Variants in RAPGEF1 observed in about 807,000 individuals in gnomAD.
RAPGEF1 encodes the protein Rap guanine nucleotide exchange factor 1.
A neutral mutation model predicts 143.3 loss-of-function variants in RAPGEF1; 33 were observed. The ratio of observed to expected loss-of-function variants is 0.23; its 90% CI spans 0.17 to 0.31. RAPGEF1 has a LOEUF of 0.31. Among genes scored for constraint, RAPGEF1 ranks in the 10% least tolerant of loss-of-function variants. RAPGEF1 has a pLI of 1.00. For synonymous variants in RAPGEF1, 629 were observed against 676.5 expected (o/e 0.93, Z 1.09); for missense variants, 1,199 against 1,645.4 (o/e 0.73, Z 4.69).
chr9:131,700,064 C>T (rs963498957), intron 1 of RAPGEF1, among the ~76,000 whole-genome samples: 1 of 152,162 alleles, frequency 6.6e-6, no homozygotes, highest in Non-Finnish European at 1.5e-5. Flanking sequence ...TCTCCTGCTT[C>T]GAAAGTCAAC....
At chr9:131,659,708 C>T (rs1040611610) in intron 1 of RAPGEF1, among the ~76,000 whole-genome samples, 2 of 152,210 alleles carry the variant, frequency 1.3e-5, no homozygotes, top group Non-Finnish European at 2.9e-5. Context: ...ATACTTAATA[C>T]ATGGCAGCTA....
rs923909355 is a variant in RAPGEF1, at chr9:131,675,205, G to T, written c.62-24256C>A. 6.6e-6 allele frequency among the ~76,000 whole-genome samples: 1 copy of T among 152,162 alleles called. No homozygotes were observed. The highest frequency in any genetic ancestry group is 1.5e-5 in the Non-Finnish European group (1 of 68,030). Reference sequence around the variant, plus strand: ...TGGCTGGATTTGCGCTGTATTTCTCGTGGGGATGAGGCACGGACCGAGGGG... The same window carrying T: ...TGGCTGGATTTGCGCTGTATTTCTCTTGGGGATGAGGCACGGACCGAGGGG... On this transcript the variant is annotated intron_variant, in intron 1 of 26. Coordinates refer to ENST00000683357, the MANE Select transcript of RAPGEF1 (RefSeq NM_001377935.1). This position sits in a 1 kb window ranked among gnomAD's most constrained non-coding sequence, Gnocchi z 4.6.
Position 131,588,106 on chromosome 9 carries a change from G to A in RAPGEF1, c.3054-80C>T, listed in dbSNP as rs897892970. On this transcript the variant is annotated intron_variant, in intron 20 of 26. Coordinates refer to ENST00000683357, the MANE Select transcript of RAPGEF1 (RefSeq NM_001377935.1). ...GGCTGAGCAGGCCCGGGCTGCGGGC[G>A]TCAGAGCAGGAGAGCCTCTCTGCCC... 1.2e-5 allele frequency: 15 copies of A among 1,207,390 alleles called. 1 individual carries two copies. Among genetic ancestry groups the A allele is most frequent in the South Asian group, 6.4e-5 (5 of 77,924 alleles). 74.8% of individuals were successfully genotyped at this position (1,207,390 alleles called of 1,614,324 possible).
chr9:131,636,755 C>T (rs1184769733), intron 5 of RAPGEF1, among the ~76,000 whole-genome samples: 3 of 152,200 alleles, frequency 2.0e-5, no homozygotes, highest in Non-Finnish European at 4.4e-5. Context: ...CCCCAGGCCA[C>T]GTTCCACTCT....
intron 3 of RAPGEF1, among the ~76,000 whole-genome samples, chr9:131,645,739 G>T (rs758822271): frequency 6.6e-6 from 1 of 152,216 alleles, no homozygotes; most frequent in African/African-American, 2.4e-5. Context: ...TGCATAACCC[G>T]AGGGCAGGTG....
intron 10 of RAPGEF1, among the ~76,000 whole-genome samples, 168 bp downstream of exon 10, chr9:131,625,754 C>T (rs143862062): frequency 5.3e-5 from 8 of 152,298 alleles, no homozygotes; most frequent in South Asian, 4.1e-4. Flanking sequence ...AAAATGATCA[C>T]GTGTAATGAC....
chr9:131,630,335 A>G lies in RAPGEF1; in HGVS notation c.652-11T>C. The G allele has an allele frequency of 1.3e-5, 21 of 1,612,380 alleles. No individual in the cohort carries two copies. The highest frequency in any genetic ancestry group is 1.8e-5 in the Non-Finnish European group (21 of 1,178,784). ...GAGCCTGACCAGCTCCTACCCCCACAAGAAAAAGGCAATGAGCAAAGCTCC... is the reference window on the plus strand; with the variant it reads ...GAGCCTGACCAGCTCCTACCCCCACGAGAAAAAGGCAATGAGCAAAGCTCC... On this transcript the variant is annotated splice_polypyrimidine_tract_variant and intron_variant, in intron 5 of 26. Transcript: ENST00000683357.
intron 12 of RAPGEF1, among the ~76,000 whole-genome samples, chr9:131,617,802 T>C (rs988798005): frequency 6.6e-6 from 1 of 152,176 alleles, no homozygotes; most frequent in East Asian, 1.9e-4. Flanking sequence ...CGGGGGGCCA[T>C]GGGGGGAGAA....
chr9:131,739,888 G>C lies in RAPGEF1; in HGVS notation c.-58C>G. The C allele has an allele frequency of 1.0e-6, 1 of 956,208 alleles. No individual in the cohort carries two copies. The highest frequency in any genetic ancestry group is 1.2e-6 in the Non-Finnish European group (1 of 805,352). The allele number at this position is 956,208 out of a possible 1,614,324, so 59.2% of individuals were successfully genotyped here. On this transcript the variant is annotated 5_prime_UTR_variant, in exon 1 of 27. Coordinates refer to ENST00000683357, the MANE Select transcript of RAPGEF1 (RefSeq NM_001377935.1). ...GGGCGGCGCGCCCGCCGCTCGCCTCGGCCCTGGCTCGCCACGCCTCAGACC... is the reference window on the plus strand; with the variant it reads ...GGGCGGCGCGCCCGCCGCTCGCCTCCGCCCTGGCTCGCCACGCCTCAGACC...
At chr9:131,603,934 T>C in intron 14 of RAPGEF1, 27 bp downstream of exon 14, 1 of 1,282,206 alleles carries the variant, frequency 7.8e-7, no homozygotes, top group South Asian at 1.2e-5. Flanking sequence ...CCAGGCCACA[T>C]GCAGGAGGCC....
rs559092630 is a variant in RAPGEF1 at position 131,632,416 on chromosome 9, C to T, written c.652-2092G>A. On this transcript the variant is annotated intron_variant, in intron 5 of 26. Transcript: ENST00000683357. ...TGCTGGGATTACAGGCGTGAGCCAC[C>T]GCGCCCGGCCAAGACTCTGTCTCTT... Among the ~76,000 whole-genome samples the T allele has an allele frequency of 1.5e-4, 23 of 151,930 alleles. No homozygotes were observed. In the South Asian group the frequency reaches 2.7e-3, roughly 18 times the overall value.
intron 18 of RAPGEF1, 149 bp downstream of exon 18, chr9:131,591,950 G>C (rs1423315149): frequency 3.6e-6 from 2 of 558,546 alleles, no homozygotes; most frequent in Non-Finnish European, 3.2e-6. Context: ...TGGGAACCTC[G>C]GTCCATGGGG....
chr9:131,602,729 C>A (rs1009182745), intron 14 of RAPGEF1, among the ~76,000 whole-genome samples: 12 of 152,236 alleles, frequency 7.9e-5, no homozygotes, highest in Non-Finnish European at 1.2e-4. Context: ...GGTTCAGTCC[C>A]CAAAGGGCCA....
chr9:131,616,953 A>C (rs1490476635), intron 12 of RAPGEF1, among the ~76,000 whole-genome samples: 1 of 152,142 alleles, frequency 6.6e-6, no homozygotes. Flanking sequence ...TGACATAAGG[A>C]CCTTATAAGG....
At chr9:131,695,079 C>T (rs1156866178) in intron 1 of RAPGEF1, among the ~76,000 whole-genome samples, 1 of 151,254 alleles carries the variant, frequency 6.6e-6, no homozygotes, top group African/African-American at 2.4e-5. Flanking sequence ...TGTATTTTCA[C>T]CTACTAGCAA....
chr9:131,663,162 C>T (rs778510953), intron 1 of RAPGEF1, among the ~76,000 whole-genome samples: 22 of 151,892 alleles, frequency 1.4e-4, no homozygotes, highest in Non-Finnish European at 2.4e-4. Context: ...ATGAAGCGAA[C>T]GTCCACATAC....
intron 4 of RAPGEF1, among the ~76,000 whole-genome samples, chr9:131,640,896 C>T (rs1443095460): frequency 2.0e-5 from 3 of 152,122 alleles, no homozygotes; most frequent in Non-Finnish European, 2.9e-5. Context: ...AAACCACCTC[C>T]ACTAGCCTGG....
At chr9:131,579,904 C>T (rs1029069003) in intron 26 of RAPGEF1, among the ~76,000 whole-genome samples, 15 of 152,222 alleles carry the variant, frequency 9.9e-5, no homozygotes, top group Admixed American at 9.8e-4. Flanking sequence ...CCACTGCCCC[C>T]AACAACGCAT....
At chr9:131,598,487 C>A (rs1235097742) in intron 15 of RAPGEF1, 177 bp from the exon 16 acceptor site, 4 of 700,600 alleles carry the variant, frequency 5.7e-6, no homozygotes, top group Non-Finnish European at 1.0e-5. Context: ...GGCTGTGTGG[C>A]CATAGGACAG....
Sources: allele counts gnomAD v4.1 joint callset (sites outside exome capture counted in the v4.1 genomes callset), GRCh38; gene constraint gnomAD v4.1.1; non-coding constraint Gnocchi (gnomAD v3.1); transcripts MANE v1.5; gene names NCBI Gene and HGNC (gene_info 2026-07-23, HGNC 2026-07-21).